KALRN: variants seen among roughly 807,000 people sequenced by gnomAD.
KALRN encodes the protein kalirin.
A neutral mutation model predicts 353.7 loss-of-function variants in KALRN; 70 were observed. The ratio of observed to expected loss-of-function variants is 0.20; its 90% CI spans 0.16 to 0.24. The LOEUF (loss-of-function observed/expected upper bound fraction) is 0.24, where lower values mean the gene tolerates loss of function less well. KALRN is among the 10% of genes least tolerant of loss of function. The pLI is 1.00. For missense variants in KALRN, 2,791 were observed against 3,756.7 expected (o/e 0.74, Z 6.72); for synonymous variants, 1,391 against 1,434.8 (o/e 0.97, Z 0.69).
intron 56 of KALRN, among the ~76,000 whole-genome samples, chr3:124,701,150 G>A (rs1002921365): frequency 6.6e-6 from 1 of 152,132 alleles, no homozygotes; most frequent in Non-Finnish European, 1.5e-5. Context: ...TGTGAACCTT[G>A]GTCCCCAACA....
chr3:124,585,050 G>A (rs553980032), intron 34 of KALRN: 96 of 1,032,908 alleles, frequency 9.3e-5, no homozygotes, highest in South Asian at 5.7e-4. Flanking sequence ...GGCGAAGTGA[G>A]AGAGTTTGCT....
In KALRN at chr3:124,430,682, G is replaced by A. The variant is rs372962395; in HGVS notation, c.2736G>A (p.Glu912=). 6.8e-6 allele frequency: 11 copies of A among 1,614,058 alleles called. No homozygotes were observed. Among genetic ancestry groups the A allele is most frequent in the Non-Finnish European group, 9.3e-6 (11 of 1,180,004 alleles). The change falls in exon 16 of 60, where the codon GAG becomes GAA. Residue 912 remains glutamate, a synonymous_variant. Transcript: ENST00000682506. ...TTCTGGGATGGATCCGCAATGGAGAGTCAATGCTCAACGCCAGCCTGGTCA... is the reference window on the plus strand; with the variant it reads ...TTCTGGGATGGATCCGCAATGGAGAATCAATGCTCAACGCCAGCCTGGTCA... ...KQVLGWIRNG[E]SMLNASLVNA...
rs993241380 is a variant in KALRN, at chr3:124,724,115, A to G, written c.*4645A>G. 1.2e-4 allele frequency: 18 copies of G among 151,484 alleles called. No homozygotes were observed. The highest frequency in any genetic ancestry group is 1.5e-4 in the Non-Finnish European group (10 of 67,916). 9.4% of individuals were successfully genotyped at this position (151,484 alleles called of 1,614,324 possible). A position where few individuals can be genotyped will look rare whatever the true frequency, so the allele number is the denominator to read the frequency against. ...CCTCCATGATTAGAGCCCACGAGTT[A>G]GGCATTACTTTTTTCTTGCCTCTGT... On this transcript the variant is annotated 3_prime_UTR_variant, in exon 60 of 60. Transcript: ENST00000682506.
At chr3:124,519,078 A>C (rs2066940228) in intron 33 of KALRN, 1 of 985,728 alleles carries the variant, frequency 1.0e-6, no homozygotes, top group Non-Finnish European at 1.2e-6. Flanking sequence ...GCTTCAGCCT[A>C]CTCAGATTTT....
At chr3:124,217,332 G>A (rs2077428214) in intron 1 of KALRN, among the ~76,000 whole-genome samples, 2 of 152,134 alleles carry the variant, frequency 1.3e-5, no homozygotes, top group Admixed American at 6.6e-5. Context: ...CTCAAAAATT[G>A]CTTAAAACTC....
chr3:124,579,848 T>C (rs2074455273), intron 34 of KALRN, among the ~76,000 whole-genome samples: 1 of 152,174 alleles, frequency 6.6e-6, no homozygotes, highest in South Asian at 2.1e-4. Context: ...ACTCGAGTCA[T>C]GTGCTAAATC....
Position 124,182,096 on chromosome 3 carries a change from C to T in KALRN, c.74-45894C>T, listed in dbSNP as rs142917364. Among the ~76,000 whole-genome samples, 359 of 152,304 alleles carry T rather than the reference C, an allele frequency of 2.4e-3. 3 individuals carry two copies. The highest frequency in any genetic ancestry group is 7.7e-3 in the African/African-American group (319 of 41,574). ...AAATACAAACGTGGATGCTGGAAGA[C>T]ATTAGTTGGTCAGAAATTAAAACAA... On this transcript the variant is annotated intron_variant, in intron 1 of 59. Transcript: ENST00000682506.
At chr3:124,301,298 A>G (rs933446177) in intron 6 of KALRN, among the ~76,000 whole-genome samples, 1 of 152,220 alleles carries the variant, frequency 6.6e-6, no homozygotes, top group African/African-American at 2.4e-5. Flanking sequence ...TGAAGTCTCC[A>G]TTTTTTAGGA....
At chr3:124,423,062 C>A in intron 15 of KALRN, 84 bp downstream of exon 15, 2 of 1,340,748 alleles carry the variant, frequency 1.5e-6, no homozygotes, top group Non-Finnish European at 2.1e-6. Context: ...TGAGGTAAGG[C>A]ATACAGAGCC....
chr3:124,643,550 C>G (rs955565006), intron 37 of KALRN, among the ~76,000 whole-genome samples: 1 of 152,140 alleles, frequency 6.6e-6, no homozygotes, highest in Admixed American at 6.5e-5. Flanking sequence ...GGCTTGATCT[C>G]GGCTCACTGC....
chr3:124,290,150 T>C (rs2076300049), intron 5 of KALRN, among the ~76,000 whole-genome samples: 1 of 152,168 alleles, frequency 6.6e-6, no homozygotes, highest in Admixed American at 6.5e-5. Flanking sequence ...AATTCAAGTA[T>C]GTGAAAACAC....
chr3:124,492,169 C>T (rs2108459681), intron 31 of KALRN, among the ~76,000 whole-genome samples: 1 of 152,304 alleles, frequency 6.6e-6, no homozygotes, highest in African/African-American at 2.4e-5. Flanking sequence ...TAGCTGCTAC[C>T]TGTTGTGAGG....
intron 1 of KALRN, among the ~76,000 whole-genome samples, chr3:124,187,465 T>C (rs2074370863): frequency 6.6e-6 from 1 of 152,136 alleles, no homozygotes; most frequent in Non-Finnish European, 1.5e-5. Flanking sequence ...GAGGCAAGGA[T>C]CTTCAGCAGC....
intron 34 of KALRN, among the ~76,000 whole-genome samples, chr3:124,623,609 T>C (rs1364501158): frequency 6.6e-6 from 1 of 152,056 alleles, no homozygotes; most frequent in Admixed American, 6.6e-5. Flanking sequence ...GTCTAGTCTT[T>C]TCACGTTTTA....
chr3:124,538,996 C>G (rs1395829241), intron 33 of KALRN, among the ~76,000 whole-genome samples: 1 of 152,214 alleles, frequency 6.6e-6, no homozygotes, highest in African/African-American at 2.4e-5. Flanking sequence ...CCTGCCATTT[C>G]TACCATGCTG....
chr3:124,471,256 T>TTTTTTATTATTATTA (rs377604411), intron 25 of KALRN, among the ~76,000 whole-genome samples: 8 of 138,822 alleles, frequency 5.8e-5, no homozygotes, highest in African/African-American at 2.1e-4. Flanking sequence ...CCCACAAAGT[T>TTTTTTATTATTATTA]TTATTATTAT....
At chr3:124,450,979 C>T (rs150866709) in intron 21 of KALRN, among the ~76,000 whole-genome samples, 8 of 152,082 alleles carry the variant, frequency 5.3e-5, no homozygotes, top group African/African-American at 1.4e-4. Context: ...AGATGTATTT[C>T]AAGAAACCTA....
At chr3:124,374,150 C>A (rs2086255681) in intron 10 of KALRN, among the ~76,000 whole-genome samples, 1 of 152,162 alleles carries the variant, frequency 6.6e-6, no homozygotes, top group African/African-American at 2.4e-5. Flanking sequence ...GTTCCTTCTA[C>A]CATATAAAGA....
At chr3:124,037,934 C>G (rs2039584779) in intron 1 of KALRN, among the ~76,000 whole-genome samples, 1 of 151,974 alleles carries the variant, frequency 6.6e-6, no homozygotes, top group African/African-American at 2.4e-5. Context: ...GGGGGCGACT[C>G]AGGGAAATCC....
Sources: gnomAD v4.1 joint callset for allele counts (sites outside exome capture counted in the v4.1 genomes callset) on GRCh38, gnomAD v4.1.1 for gene constraint, MANE v1.5 for transcripts, NCBI Gene and HGNC (gene_info 2026-07-23, HGNC 2026-07-21) for gene names.